The following KIAA2012 variants were observed in gnomAD, a reference collection of about 807,000 sequenced individuals.
KIAA2012 encodes KIAA2012.
In KIAA2012, 125 loss-of-function variants were observed where a neutral mutation model predicts 150.6. That is an observed-to-expected ratio of 0.83 (90% CI 0.72 to 0.96). The LOEUF (loss-of-function observed/expected upper bound fraction) is 0.96. Among genes scored for constraint, KIAA2012 ranks in the 40% least tolerant of loss-of-function variants. The probability of loss-of-function intolerance (pLI) is 0.00; values close to 1 mark genes in which losing one functional copy is unlikely to be tolerated. For missense variants in KIAA2012, 1,219 were observed against 1,354.9 expected (o/e 0.90, Z 1.57); for synonymous variants, 462 against 504.7 (o/e 0.92, Z 1.13).
intron 20 of KIAA2012, 69 bp downstream of exon 20, chr2:202,193,572 C>A: frequency 6.8e-7 from 1 of 1,461,450 alleles, no homozygotes; most frequent in South Asian, 1.3e-5. Flanking sequence ...TGGTTGACCT[C>A]CCCTAGGGGC....
At chr2:202,128,165 A>G (rs1690842694) in intron 12 of KIAA2012, among the ~76,000 whole-genome samples, 1 of 152,104 alleles carries the variant, frequency 6.6e-6, no homozygotes, top group African/African-American at 2.4e-5. Flanking sequence ...CACCACCAAC[A>G]TGTGCACAAT....
intron 7 of KIAA2012, among the ~76,000 whole-genome samples, chr2:202,100,799 C>T (rs1490341919): frequency 6.6e-6 from 1 of 152,226 alleles, no homozygotes; most frequent in Non-Finnish European, 1.5e-5. Flanking sequence ...TAACTTACTT[C>T]AGATTCAAAA....
At chr2:202,194,095 G>A in intron 20 of KIAA2012, 95 bp from the exon 21 acceptor site, 1 of 1,365,514 alleles carries the variant, frequency 7.3e-7, no homozygotes, top group Non-Finnish European at 9.9e-7. Context: ...CCTGTGGGCT[G>A]CAGAGCCTCC....
intron 11 of KIAA2012, among the ~76,000 whole-genome samples, chr2:202,124,188 T>C (rs927829499): frequency 6.6e-6 from 1 of 152,086 alleles, no homozygotes; most frequent in Non-Finnish European, 1.5e-5. Flanking sequence ...CGAAACTCTA[T>C]CTCAAAAAAT....
rs1341621359 is a variant in KIAA2012 at position 202,184,848 on chromosome 2, G to A, written c.2210+5G>A. The A allele has an allele frequency of 5.2e-6, 8 of 1,541,018 alleles. No individual in the cohort carries two copies. Among genetic ancestry groups the A allele is most frequent in the Non-Finnish European group, 5.2e-6 (6 of 1,143,092 alleles). On this transcript the variant is annotated splice_donor_5th_base_variant and intron_variant, in intron 16 of 23. Transcript: ENST00000498697. Reference sequence around the variant, plus strand: ...AGCAGATATTGTGCAAAAAGTGTAAGTGTTCAAAGTTGTAATAACATAGGC... The same window carrying A: ...AGCAGATATTGTGCAAAAAGTGTAAATGTTCAAAGTTGTAATAACATAGGC...
intron 15 of KIAA2012, among the ~76,000 whole-genome samples, chr2:202,178,287 A>T (rs1402736359): frequency 6.6e-6 from 1 of 152,234 alleles, no homozygotes; most frequent in African/African-American, 2.4e-5. Context: ...ATGAGTATAC[A>T]GTATTTTTCC....
chr2:202,085,893 G>C (rs1217051397), intron 2 of KIAA2012, among the ~76,000 whole-genome samples: 1 of 152,100 alleles, frequency 6.6e-6, no homozygotes, highest in East Asian at 1.9e-4. Context: ...CTAATGGCCA[G>C]GCGCAGTGGC....
intron 9 of KIAA2012, among the ~76,000 whole-genome samples, chr2:202,108,002 C>T (rs1486066934): frequency 6.6e-6 from 1 of 152,108 alleles, no homozygotes; most frequent in Non-Finnish European, 1.5e-5. Context: ...GAGAGAGGCT[C>T]TGTCTAAACA....
intron 14 of KIAA2012, among the ~76,000 whole-genome samples, chr2:202,159,365 G>C (rs573412189): frequency 6.7e-6 from 1 of 148,724 alleles, no homozygotes; most frequent in Non-Finnish European, 1.5e-5. Context: ...ATATGTATGA[G>C]TGTGTTCTAT....
intron 15 of KIAA2012, among the ~76,000 whole-genome samples, chr2:202,181,220 T>C (rs946784461): frequency 6.6e-6 from 1 of 152,206 alleles, no homozygotes; most frequent in Non-Finnish European, 1.5e-5. Context: ...TCTGCCTGCC[T>C]CAGCCTCCCA....
intron 12 of KIAA2012, chr2:202,136,823 G>A (rs1320101328): frequency 1.3e-5 from 2 of 152,392 alleles, no homozygotes; most frequent in Admixed American, 6.5e-5. Flanking sequence ...GCACGCCAGA[G>A]CGGACGCGGA....
At chr2:202,136,989 AT>A (rs1304332269) in intron 12 of KIAA2012, 5 of 152,202 alleles carry the variant, frequency 3.3e-5, no homozygotes, top group African/African-American at 1.2e-4. Context: ...AGTAGCTGGG[AT>A]TACAGGCACG....
At chr2:202,086,949 T>A (rs77924895) in intron 2 of KIAA2012, among the ~76,000 whole-genome samples, 4,989 of 152,308 alleles carry the variant, frequency 0.033, 128 homozygotes, top group Non-Finnish European at 0.047. Context: ...GCTCCCATAT[T>A]ATATCCACAT....
At chr2:202,088,756 A>T (rs1689644365) in intron 2 of KIAA2012, among the ~76,000 whole-genome samples, 1 of 152,144 alleles carries the variant, frequency 6.6e-6, no homozygotes, top group Non-Finnish European at 1.5e-5. Flanking sequence ...CTGAGATTGG[A>T]ACTATTTGTT....
intron 10 of KIAA2012, among the ~76,000 whole-genome samples, chr2:202,111,236 C>A (rs1460319603): frequency 6.6e-6 from 1 of 151,438 alleles, no homozygotes; most frequent in African/African-American, 2.4e-5. Context: ...GTGGCTCATG[C>A]CTATAATACC....
intron 13 of KIAA2012, among the ~76,000 whole-genome samples, chr2:202,151,771 T>C (rs1228423302): frequency 6.6e-6 from 1 of 152,208 alleles, no homozygotes; most frequent in Non-Finnish European, 1.5e-5. Flanking sequence ...TTTATATTTA[T>C]TTATTTTAGA....
chr2:202,161,501 T>G (rs1258014173), intron 14 of KIAA2012, among the ~76,000 whole-genome samples: 1 of 152,126 alleles, frequency 6.6e-6, no homozygotes, highest in Non-Finnish European at 1.5e-5. Context: ...ATCTGGCCTG[T>G]GTCTAATTTA....
chr2:202,076,874 G>A (rs562371406), intron 2 of KIAA2012: 1 of 432,770 alleles, frequency 2.3e-6, no homozygotes, highest in Non-Finnish European at 4.6e-6. Context: ...TGCATCACAG[G>A]CAGGTTGACC....
intron 15 of KIAA2012, among the ~76,000 whole-genome samples, chr2:202,175,182 G>A (rs562710171): frequency 5.3e-5 from 8 of 151,934 alleles, no homozygotes; most frequent in Non-Finnish European, 7.4e-5. Flanking sequence ...TGCTGATTGC[G>A]TCCTCATAGT....
Sources: gnomAD v4.1 joint callset for allele counts (sites outside exome capture counted in the v4.1 genomes callset) on GRCh38, gnomAD v4.1.1 for gene constraint, MANE v1.5 for transcripts, NCBI Gene and HGNC (gene_info 2026-07-23, HGNC 2026-07-21) for gene names.